BIVM: variants seen among roughly 807,000 people sequenced by gnomAD.
BIVM encodes basic, immunoglobulin-like variable motif containing, also known as basic immunoglobulin-like variable motif-containing protein.
In BIVM, 31 loss-of-function variants were observed where a neutral mutation model predicts 61.4. That is an observed-to-expected ratio of 0.51 (90% CI 0.38 to 0.68). The LOEUF (loss-of-function observed/expected upper bound fraction) is 0.68, where lower values mean the gene tolerates loss of function less well. Ranked by LOEUF, BIVM falls within the 30% of genes least tolerant of loss-of-function variation. The probability of loss-of-function intolerance (pLI) is 0.00; values close to 1 mark genes in which losing one functional copy is unlikely to be tolerated. For synonymous variants in BIVM, 189 were observed against 210.7 expected, an observed-to-expected ratio of 0.90 and a Z score of 0.89; for missense variants, 526 against 596.0, an observed-to-expected ratio of 0.88 and a Z score of 1.22.
chr13:102,839,557 T>G lies in BIVM; in HGVS notation c.1219-15T>G, dbSNP rs1401395553. On this transcript the variant is annotated splice_polypyrimidine_tract_variant and intron_variant, in intron 10 of 10. Coordinates refer to ENST00000257336, the MANE Select transcript of BIVM (RefSeq NM_017693.4). Reference sequence around the variant, plus strand: ...TTCCCTTTATTTTCTTCAGCCAACATTTTTTTCTTCTCAGGTTGGGGGAAA... The same window carrying G: ...TTCCCTTTATTTTCTTCAGCCAACAGTTTTTTCTTCTCAGGTTGGGGGAAA... 1 of 1,609,604 alleles carries G rather than the reference T, an allele frequency of 6.2e-7. No individual in the cohort carries two copies. The highest frequency in any genetic ancestry group is 1.3e-5 in the African/African-American group (1 of 74,708).
chr13:102,804,688 G>C (rs891433377), intron 1 of BIVM, among the ~76,000 whole-genome samples: 1 of 151,206 alleles, frequency 6.6e-6, no homozygotes, highest in Admixed American at 6.6e-5. Flanking sequence ...TTGAACTCCT[G>C]ACCTCAAATG....
chr13:102,804,774 T>C (rs1807144291), intron 1 of BIVM, among the ~76,000 whole-genome samples: 1 of 152,182 alleles, frequency 6.6e-6, no homozygotes, highest in African/African-American at 2.4e-5. Flanking sequence ...AACTGAAGGT[T>C]TGAATAGAGA....
chr13:102,812,799 G>A (rs1342413383), intron 3 of BIVM, among the ~76,000 whole-genome samples: 1 of 152,200 alleles, frequency 6.6e-6, no homozygotes, highest in African/African-American at 2.4e-5. Context: ...TGTTGTAGTG[G>A]GAGGGGCTTG....
Position 102,825,216 on chromosome 13 carries a change from A to G in BIVM, c.901+3057A>G, listed in dbSNP as rs574805828. ...CGCCTCGGCCTCCCAAAGTGCTGGG[A>G]TTACAGGTGTGAACCACTGTGCCCA... On this transcript the variant is annotated intron_variant, in intron 7 of 10. Transcript: ENST00000257336. 1.2e-4 allele frequency among the ~76,000 whole-genome samples: 18 copies of G among 152,230 alleles called. No individual in the cohort carries two copies. The East Asian group carries it at 3.5e-3, about 29-fold the overall frequency.
intron 7 of BIVM, among the ~76,000 whole-genome samples, chr13:102,829,867 T>TAAA (rs1566454227): frequency 3.5e-5 from 5 of 141,574 alleles, no homozygotes; most frequent in Non-Finnish European, 6.1e-5. Flanking sequence ...AAATAAATAA[T>TAAA]TAAATAAATG....
intron 9 of BIVM, among the ~76,000 whole-genome samples, chr13:102,835,182 C>T (rs898397690): frequency 8.6e-5 from 13 of 151,930 alleles, no homozygotes; most frequent in Non-Finnish European, 1.8e-4. Flanking sequence ...AGTTCAAGGC[C>T]AACCTGGGCA....
intron 8 of BIVM, among the ~76,000 whole-genome samples, chr13:102,833,345 T>TTTTTTTTTTTTTTTTTTTTTTTTTA (rs71131027): frequency 6.9e-6 from 1 of 145,850 alleles, no homozygotes; most frequent in African/African-American, 2.5e-5. Flanking sequence ...TTTTTTTTTT[T>TTTTTTTTTTTTTTTTTTTTTTTTTA]GAGACAAGGC....
At chr13:102,805,842 TC>T (rs1281093283) in intron 2 of BIVM, among the ~76,000 whole-genome samples, 1 of 152,254 alleles carries the variant, frequency 6.6e-6, no homozygotes, top group African/African-American at 2.4e-5. Context: ...GTACTTCATT[TC>T]TTTTTATTGC....
At chr13:102,805,580 T>C (rs549902214) in intron 2 of BIVM, among the ~76,000 whole-genome samples, 190 bp downstream of exon 2, 1 of 152,330 alleles carries the variant, frequency 6.6e-6, no homozygotes, top group East Asian at 1.9e-4. Context: ...ATTCATTGGC[T>C]TTTAGGGTAT....
chr13:102,805,662 C>A (rs377766941), intron 2 of BIVM, among the ~76,000 whole-genome samples: 1 of 152,258 alleles, frequency 6.6e-6, no homozygotes, highest in Admixed American at 6.5e-5. Flanking sequence ...AACTCCATCA[C>A]CCCCAAACCC....
intron 10 of BIVM, among the ~76,000 whole-genome samples, 179 bp downstream of exon 10, chr13:102,838,918 T>C (rs923170395): frequency 6.6e-6 from 1 of 152,166 alleles, no homozygotes; most frequent in Non-Finnish European, 1.5e-5. Flanking sequence ...CCTGGAGTCA[T>C]AAAGGAATGG....
intron 8 of BIVM, among the ~76,000 whole-genome samples, chr13:102,834,068 G>A (rs778032441): frequency 2.6e-5 from 4 of 152,158 alleles, no homozygotes; most frequent in Non-Finnish European, 4.4e-5. Flanking sequence ...CCAGGGATGG[G>A]TTTAGGACAT....
intron 3 of BIVM, among the ~76,000 whole-genome samples, chr13:102,812,518 T>C (rs1213974726): frequency 6.6e-6 from 1 of 152,192 alleles, no homozygotes; most frequent in Non-Finnish European, 1.5e-5. Flanking sequence ...CAGAGTTTGT[T>C]GATTTTAGTT....
At chr13:102,830,212 T>G (rs2140491107) in intron 7 of BIVM, among the ~76,000 whole-genome samples, 1 of 152,332 alleles carries the variant, frequency 6.6e-6, no homozygotes, top group Middle Eastern at 3.4e-3. Context: ...TAAAAGTTAC[T>G]TGTTCCATCT....
At position 102,818,302 on chromosome 13, in the gene BIVM, C is replaced by G. The variant is rs1034493546; in HGVS notation, c.605+1748C>G. On this transcript the variant is annotated intron_variant, in intron 4 of 10. Coordinates refer to ENST00000257336, the MANE Select transcript of BIVM (RefSeq NM_017693.4). ...AAGCTGAAGAGTCAGACTCAACATT[C>G]ATGCTGTTTGCGTATAATACATGTC... Among the ~76,000 whole-genome samples, 6 of 152,264 alleles carry G rather than the reference C, an allele frequency of 3.9e-5. No homozygotes were observed. The East Asian group carries it at 1.2e-3, about 29-fold the overall frequency.
intron 3 of BIVM, among the ~76,000 whole-genome samples, chr13:102,808,615 T>C (rs183333904): frequency 6.6e-6 from 1 of 152,116 alleles, no homozygotes; most frequent in Non-Finnish European, 1.5e-5. Flanking sequence ...AGGTAATGAG[T>C]CTGCAATTTT....
At chr13:102,812,841 G>GC (rs1020523235) in intron 3 of BIVM, among the ~76,000 whole-genome samples, 9 of 152,128 alleles carry the variant, frequency 5.9e-5, no homozygotes, top group Non-Finnish European at 1.2e-4. Flanking sequence ...AACAATGGCT[G>GC]CCCCCCTGTA....
chr13:102,823,970 C>T (rs141473099), intron 7 of BIVM, among the ~76,000 whole-genome samples: 2 of 152,150 alleles, frequency 1.3e-5, no homozygotes, highest in East Asian at 3.9e-4. Context: ...TCTTCGTGTG[C>T]CATGAAAAGA....
At chr13:102,801,796 C>A (rs2139128860) in intron 1 of BIVM, 1 of 152,290 alleles carries the variant, frequency 6.6e-6, no homozygotes, top group East Asian at 1.9e-4. Flanking sequence ...CCTGGTAAGA[C>A]CTGTGTGAGG....
Sources: allele counts gnomAD v4.1 joint callset (sites outside exome capture counted in the v4.1 genomes callset), GRCh38; gene constraint gnomAD v4.1.1; transcripts MANE v1.5; gene names NCBI Gene and HGNC (gene_info 2026-07-23, HGNC 2026-07-21).